RASGEF1C: variants seen among roughly 807,000 people sequenced by gnomAD.
The protein encoded by RASGEF1C is RasGEF domain family member 1C.
RASGEF1C carries 27 observed loss-of-function variants against 58.1 expected under a neutral mutation model. The observed-to-expected ratio is 0.46, with a 90% confidence interval of 0.34 to 0.64. The LOEUF (loss-of-function observed/expected upper bound fraction) is 0.64, where lower values mean the gene tolerates loss of function less well. Among genes scored for constraint, RASGEF1C ranks in the 30% least tolerant of loss-of-function variants. The probability of loss-of-function intolerance (pLI) is 0.01; values close to 1 mark genes in which losing one functional copy is unlikely to be tolerated. For synonymous variants in RASGEF1C, 243 were observed against 246.3 expected (o/e 0.99, Z 0.13); for missense variants, 502 against 605.1 (o/e 0.83, Z 1.79).
chr5:180,136,518 AC>A lies in RASGEF1C; in HGVS notation c.301-4del. 1 of 1,570,682 alleles carries A rather than the reference AC, an allele frequency of 6.4e-7. No homozygotes were observed. Among genetic ancestry groups the A allele is most frequent in the South Asian group, 1.2e-5 (1 of 85,692 alleles). ...GGGCCGAACTTCCGGACCCGGGCCT[AC>A]GGGCAAGCGAGGGGCACCGCGCTCG... On this transcript the variant is annotated splice_region_variant and splice_polypyrimidine_tract_variant and intron_variant, in intron 3 of 13. Coordinates refer to ENST00000361132, the MANE Select transcript of RASGEF1C (RefSeq NM_175062.4).
At chr5:180,183,217 A>G (rs1755940365) in intron 1 of RASGEF1C, among the ~76,000 whole-genome samples, 1 of 152,236 alleles carries the variant, frequency 6.6e-6, no homozygotes, top group African/African-American at 2.4e-5. Flanking sequence ...CACCAGCCAC[A>G]TGAGCTTGGA....
intron 12 of RASGEF1C, among the ~76,000 whole-genome samples, chr5:180,105,696 C>T (rs372882385): frequency 2.2e-4 from 34 of 151,868 alleles, no homozygotes; most frequent in African/African-American, 6.5e-4. Context: ...GGTGAAACCC[C>T]GTCTCTACTA....
At chr5:180,146,416 G>T (rs1278584556) in intron 1 of RASGEF1C, among the ~76,000 whole-genome samples, 1 of 152,162 alleles carries the variant, frequency 6.6e-6, no homozygotes, top group Non-Finnish European at 1.5e-5. Context: ...GGGATTACAG[G>T]CATGAGCCAC....
At chr5:180,150,744 G>T (rs901050241) in intron 1 of RASGEF1C, among the ~76,000 whole-genome samples, 1 of 152,072 alleles carries the variant, frequency 6.6e-6, no homozygotes, top group Non-Finnish European at 1.5e-5. Flanking sequence ...GGAAATAAAG[G>T]GTATTCAATT....
At chr5:180,190,506 A>T (rs6898446) in intron 1 of RASGEF1C, among the ~76,000 whole-genome samples, 8,781 of 97,494 alleles carry the variant, frequency 0.09, 953 homozygotes, top group African/African-American at 0.2. Context: ...AAAAAAAAAA[A>T]AATAATAATA....
At chr5:180,130,191 A>G (rs1322976106) in intron 4 of RASGEF1C, among the ~76,000 whole-genome samples, 1 of 152,234 alleles carries the variant, frequency 6.6e-6, no homozygotes, top group African/African-American at 2.4e-5. Flanking sequence ...AAGAAGTCGC[A>G]TAGGGTGACC....
chr5:180,185,289 TAA>T (rs59604565), intron 1 of RASGEF1C, among the ~76,000 whole-genome samples: 35 of 147,908 alleles, frequency 2.4e-4, no homozygotes, highest in East Asian at 4.0e-4. Context: ...AGACTCTGTC[TAA>T]AAAAAAAAAG....
intron 1 of RASGEF1C, among the ~76,000 whole-genome samples, chr5:180,191,449 C>CA (rs1756161040): frequency 6.6e-6 from 1 of 152,150 alleles, no homozygotes; most frequent in South Asian, 2.1e-4. Context: ...CTCCGCCTCC[C>CA]GGGTTCACGC....
Position 180,118,783 on chromosome 5 carries a change from T to G in RASGEF1C, c.987+4A>C. Reference sequence around the variant, plus strand: ...GCACCCGGCAGCCCAGCAGCCTCATTTACCTCGAGGATGAAAAACTTGGCC... The same window carrying G: ...GCACCCGGCAGCCCAGCAGCCTCATGTACCTCGAGGATGAAAAACTTGGCC... On this transcript the variant is annotated splice_donor_region_variant and intron_variant, in intron 9 of 13. Coordinates refer to ENST00000361132, the MANE Select transcript of RASGEF1C (RefSeq NM_175062.4). The G allele has an allele frequency of 6.2e-7, 1 of 1,614,162 alleles. No homozygotes were observed. Among genetic ancestry groups the G allele is most frequent in the Non-Finnish European group, 8.5e-7 (1 of 1,179,986 alleles).
intron 1 of RASGEF1C, among the ~76,000 whole-genome samples, chr5:180,200,096 CTAA>C (rs1156763088): frequency 1.3e-5 from 2 of 151,932 alleles, no homozygotes; most frequent in South Asian, 2.1e-4. Flanking sequence ...CCTGTCTCTA[CTAA>C]AAATACAAAA....
rs1211216474 is a variant in RASGEF1C, at chr5:180,128,584, G to A, written c.465C>T (p.Leu155=). 1.9e-6 allele frequency: 3 copies of A among 1,614,036 alleles called. No individual in the cohort carries two copies. Among genetic ancestry groups the A allele is most frequent in the East Asian group, 2.2e-5 (1 of 44,884 alleles). The change falls in exon 5 of 14, where the codon CTC becomes CTT. Residue 155 remains leucine (L), a synonymous_variant. Coordinates refer to ENST00000361132, the MANE Select transcript of RASGEF1C (RefSeq NM_175062.4). ...DEAYRKRMHQ[L]LQALHQKLAA... Reference sequence around the variant, plus strand: ...CCAGCTTCTGGTGCAGAGCCTGTAGGAGCTGATGCATCCTCTTCCGGTATG... The same window carrying A: ...CCAGCTTCTGGTGCAGAGCCTGTAGAAGCTGATGCATCCTCTTCCGGTATG...
At position 180,198,215 on chromosome 5, in the gene RASGEF1C, A is replaced by C. The variant is rs1400040598; in HGVS notation, c.-7+10813T>G. Among the ~76,000 whole-genome samples the C allele has an allele frequency of 2.0e-5, 3 of 152,190 alleles. No individual in the cohort carries two copies. Among genetic ancestry groups the C allele is most frequent in the African/African-American group, 7.2e-5 (3 of 41,456 alleles). Reference sequence around the variant, plus strand: ...GCACCCTTCTGCAGGCCCCAGCCCCAGACAGCGCCACCCAGCAGAAGAGGA... The same window carrying C: ...GCACCCTTCTGCAGGCCCCAGCCCCCGACAGCGCCACCCAGCAGAAGAGGA... On this transcript the variant is annotated intron_variant, in intron 1 of 13. Coordinates refer to ENST00000361132, the MANE Select transcript of RASGEF1C (RefSeq NM_175062.4). The surrounding 1 kb of genome is among the most constrained non-coding windows in gnomAD (Gnocchi z 4.5).
At chr5:180,103,888 G>A (rs1006778614) in intron 12 of RASGEF1C, among the ~76,000 whole-genome samples, 6 of 152,120 alleles carry the variant, frequency 3.9e-5, no homozygotes, top group South Asian at 2.1e-4. Flanking sequence ...CCATAAATGC[G>A]TGTAGAAATT....
At position 180,152,559 on chromosome 5, in the gene RASGEF1C, G is replaced by A. The variant is rs1280056345; in HGVS notation, c.-6-14501C>T. Among the ~76,000 whole-genome samples the A allele has an allele frequency of 8.4e-5, 9 of 107,348 alleles. No homozygotes were observed. In the Admixed American group the frequency reaches 9.4e-4, roughly 11 times the overall value. 70.4% of individuals were successfully genotyped at this position (107,348 alleles called of 152,430 possible). A position where few individuals can be genotyped will look rare whatever the true frequency, so the allele number is the denominator to read the frequency against. On this transcript the variant is annotated intron_variant, in intron 1 of 13. Coordinates refer to ENST00000361132, the MANE Select transcript of RASGEF1C (RefSeq NM_175062.4). ...AGGGGAACATCACACACCGGGGCCT[G>A]TTGTGGGGTGGGGGGAGGGGGGAGG...
At chr5:180,200,255 G>GA (rs1182712381) in intron 1 of RASGEF1C, among the ~76,000 whole-genome samples, 41 of 141,718 alleles carry the variant, frequency 2.9e-4, no homozygotes, top group African/African-American at 9.3e-4. Flanking sequence ...TACAGAGCTG[G>GA]AAAAAAAAAT....
At chr5:180,189,703 C>G (rs1039492757) in intron 1 of RASGEF1C, among the ~76,000 whole-genome samples, 8 of 151,312 alleles carry the variant, frequency 5.3e-5, no homozygotes, top group African/African-American at 1.9e-4. Context: ...AGGTGGATCA[C>G]CTGAGGTCAA....
intron 1 of RASGEF1C, among the ~76,000 whole-genome samples, chr5:180,180,767 A>C (rs1310944084): frequency 2.0e-5 from 3 of 152,234 alleles, no homozygotes; most frequent in Non-Finnish European, 4.4e-5. Context: ...TGGAAAGCAC[A>C]CAAGCTTGAA....
chr5:180,103,022 C>T lies in RASGEF1C; in HGVS notation c.1304-879G>A, dbSNP rs78122725. Among the ~76,000 whole-genome samples, 795 of 152,300 alleles carry T rather than the reference C, an allele frequency of 5.2e-3. 8 individuals carry two copies. Among genetic ancestry groups the T allele is most frequent in the African/African-American group, 0.019 (770 of 41,568 alleles). On this transcript the variant is annotated intron_variant, in intron 12 of 13. Coordinates refer to ENST00000361132, the MANE Select transcript of RASGEF1C (RefSeq NM_175062.4). ...TAATACCTTTGCTATGCAGTCTTTG[C>T]GTTCGAGAACATCCTATGTCTCCAT...
intron 1 of RASGEF1C, among the ~76,000 whole-genome samples, chr5:180,169,444 A>T (rs1004231671): frequency 6.6e-6 from 1 of 152,018 alleles, no homozygotes; most frequent in Non-Finnish European, 1.5e-5. Context: ...TCACAAATGC[A>T]GTGGTTGGGG....
Sources: gnomAD v4.1 joint callset for allele counts (sites outside exome capture counted in the v4.1 genomes callset) on GRCh38, gnomAD v4.1.1 for gene constraint, Gnocchi (gnomAD v3.1) non-coding constraint, MANE v1.5 for transcripts, NCBI Gene and HGNC (gene_info 2026-07-23, HGNC 2026-07-21) for gene names.